Variants in ASB7 observed in about 807,000 individuals in gnomAD.
The protein encoded by ASB7 is ankyrin repeat and SOCS box containing 7, also known as ankyrin repeat and SOCS box protein 7.
A neutral mutation model predicts 32.5 loss-of-function variants in ASB7; 4 were observed. The observed-to-expected ratio is 0.12, with a 90% CI of 0.06 to 0.28. The LOEUF (loss-of-function observed/expected upper bound fraction) is 0.28. ASB7 is among the 10% of genes least tolerant of loss of function. The pLI is 1.00. For missense variants in ASB7, 181 were observed against 407.1 expected (o/e 0.44, Z 4.78); for synonymous variants, 172 against 155.6 (o/e 1.11, Z -0.78).
chr15:100,645,740 G>A (rs2039993398), intron 5 of ASB7: 1 of 1,584,490 alleles, frequency 6.3e-7, no homozygotes, highest in Non-Finnish European at 8.7e-7. Flanking sequence ...GCTTCCAGAT[G>A]CTAAACATTT....
intron 4 of ASB7, among the ~76,000 whole-genome samples, chr15:100,622,667 A>G (rs545360013): frequency 6.6e-6 from 1 of 152,350 alleles, no homozygotes; most frequent in East Asian, 1.9e-4. Context: ...CTGATTTTCG[A>G]CAAAGATAAC....
chr15:100,635,125 TG>T (rs2039913509), intron 5 of ASB7, among the ~76,000 whole-genome samples: 1 of 152,144 alleles, frequency 6.6e-6, no homozygotes, highest in East Asian at 1.9e-4. Context: ...ACAGCACTGT[TG>T]GGGGGTCACC....
At chr15:100,612,458 C>T (rs1395864332) in intron 4 of ASB7, 31 bp downstream of exon 4, 3 of 1,538,548 alleles carry the variant, frequency 1.9e-6, no homozygotes, top group Non-Finnish European at 2.7e-6. Context: ...TCTTTTTCCC[C>T]ATGGAGAAAC....
chr15:100,612,207 C>G lies in ASB7; in HGVS notation c.-10C>G. ...TAATGAATCCTTTGTAAAAAGTGGA[C>G]TCAGCTAGGATGTTACACCATCATT... On this transcript the variant is annotated 5_prime_UTR_variant, in exon 4 of 6. Coordinates refer to ENST00000332783, the MANE Select transcript of ASB7 (RefSeq NM_198243.3). The G allele has an allele frequency of 6.2e-7, 1 of 1,607,746 alleles. No individual in the cohort carries two copies. Among genetic ancestry groups the G allele is most frequent in the East Asian group, 2.2e-5 (1 of 44,852 alleles).
chr15:100,646,471 A>G, intron 5 of ASB7: 1 of 467,864 alleles, frequency 2.1e-6, no homozygotes, highest in Admixed American at 2.1e-5. Context: ...GGGCATTCAC[A>G]GAAACTGACC....
chr15:100,603,606 T>G (rs754489671), intron 2 of ASB7, among the ~76,000 whole-genome samples: 3 of 152,200 alleles, frequency 2.0e-5, no homozygotes, highest in Non-Finnish European at 4.4e-5. Flanking sequence ...CTTTGAGACC[T>G]TTTTGTAGCT....
At chr15:100,608,909 G>T (rs551288236) in intron 2 of ASB7, among the ~76,000 whole-genome samples, 1 of 152,276 alleles carries the variant, frequency 6.6e-6, no homozygotes, top group Admixed American at 6.5e-5. Flanking sequence ...TAAGTGGCCC[G>T]ACCTTTTCTT....
In ASB7 at chr15:100,629,574, G is replaced by A; in HGVS notation, c.349G>A (p.Gly117Ser). The change falls in exon 5 of 6, where the codon GGC becomes AGC. Residue 117 changes from glycine to serine, a missense_variant. Transcript: ENST00000332783. This position sits in a 1 kb window ranked among gnomAD's most constrained non-coding sequence, Gnocchi z 6.8. ...CATCATTAATGCAAAAAGCAATGAC[G>A]GCTGGACTCCCCTCCATGTGGCTGC... is the stretch of plus-strand genomic sequence containing the variant. ...SDIINAKSND[G>S]WTPLHVAAHY... is the part of the protein sequence containing the mutation. The A allele has an allele frequency of 6.2e-7, 1 of 1,614,160 alleles. No homozygotes were observed. The highest frequency in any genetic ancestry group is 8.5e-7 in the Non-Finnish European group (1 of 1,180,034).
intron 2 of ASB7, among the ~76,000 whole-genome samples, chr15:100,607,771 CATTT>C (rs1273150846): frequency 3.3e-5 from 5 of 152,186 alleles, no homozygotes; most frequent in African/African-American, 7.2e-5. Context: ...ATTCTGTAGA[CATTT>C]GTTTGTTTGA....
intron 2 of ASB7, among the ~76,000 whole-genome samples, chr15:100,605,402 G>A (rs1355853648): frequency 6.6e-6 from 1 of 152,178 alleles, no homozygotes; most frequent in Non-Finnish European, 1.5e-5. Context: ...TAATCACGTA[G>A]GGAGAATAAT....
At chr15:100,623,939 C>T (rs1022529032) in intron 4 of ASB7, among the ~76,000 whole-genome samples, 1 of 152,134 alleles carries the variant, frequency 6.6e-6, no homozygotes, top group Non-Finnish European at 1.5e-5. Flanking sequence ...TGGAATCAAC[C>T]TAAGTGTCCA....
chr15:100,625,005 A>C (rs556144239), intron 4 of ASB7, among the ~76,000 whole-genome samples: 22 of 152,262 alleles, frequency 1.4e-4, no homozygotes, highest in Non-Finnish European at 2.8e-4. Context: ...TTAGAATAAA[A>C]CATAAATACC....
intron 2 of ASB7, 54 bp from the exon 3 acceptor site, chr15:100,609,653 A>G (rs894079170): frequency 1.7e-4 from 26 of 152,330 alleles, no homozygotes; most frequent in African/African-American, 5.8e-4. Flanking sequence ...GCAGACAGCT[A>G]TGATTATTAT....
chr15:100,649,110 T>C lies in ASB7; in HGVS notation c.*648T>C, dbSNP rs1284976435. On this transcript the variant is annotated 3_prime_UTR_variant, in exon 6 of 6. Coordinates refer to ENST00000332783, the MANE Select transcript of ASB7 (RefSeq NM_198243.3). ...CTTATTTTTTTTTTAACAACTGTAG[T>C]ACACTACCCTGAGACACTGCATCTC... The C allele has an allele frequency of 6.6e-6, 1 of 152,646 alleles. No homozygotes were observed. Among genetic ancestry groups the C allele is most frequent in the Non-Finnish European group, 1.5e-5 (1 of 68,038 alleles). The allele number at this position is 152,646 out of a possible 1,614,324, so 9.5% of individuals were successfully genotyped here.
At chr15:100,633,029 A>G (rs2039895432) in intron 5 of ASB7, among the ~76,000 whole-genome samples, 1 of 152,010 alleles carries the variant, frequency 6.6e-6, no homozygotes, top group Non-Finnish European at 1.5e-5. Flanking sequence ...CCAGGACGTC[A>G]GGAGCGCAGC....
rs1416732640 is a variant in ASB7, at chr15:100,649,257, A to G, written c.*795A>G. ...TGCAGTGCAATACTCCTTCTGGTGTATTTTATCCATTATTTCACTTGCTGG... is the reference window on the plus strand; with the variant it reads ...TGCAGTGCAATACTCCTTCTGGTGTGTTTTATCCATTATTTCACTTGCTGG... On this transcript the variant is annotated 3_prime_UTR_variant, in exon 6 of 6. Coordinates refer to ENST00000332783, the MANE Select transcript of ASB7 (RefSeq NM_198243.3). 1 of 152,210 alleles carries G rather than the reference A, an allele frequency of 6.6e-6. No homozygotes were observed. Among genetic ancestry groups the G allele is most frequent in the Admixed American group, 6.5e-5 (1 of 15,268 alleles). 9.4% of individuals were successfully genotyped at this position (152,210 alleles called of 1,614,324 possible).
chr15:100,618,915 T>C (rs184005554), intron 4 of ASB7, among the ~76,000 whole-genome samples: 14 of 152,320 alleles, frequency 9.2e-5, no homozygotes, highest in Middle Eastern at 3.4e-3. Flanking sequence ...ATAAGTATTA[T>C]CAGTTTTTAC....
chr15:100,614,969 G>T (rs1053778979), intron 4 of ASB7, among the ~76,000 whole-genome samples: 4 of 152,108 alleles, frequency 2.6e-5, no homozygotes, highest in African/African-American at 9.7e-5. Context: ...ATTTACAATG[G>T]TGGTCCCATA....
At chr15:100,617,558 C>G (rs954023852) in intron 4 of ASB7, among the ~76,000 whole-genome samples, 3 of 152,226 alleles carry the variant, frequency 2.0e-5, no homozygotes, top group Admixed American at 6.5e-5. Flanking sequence ...ACCAGCCAGA[C>G]CGGGTCACCC....
Sources: allele counts gnomAD v4.1 joint callset (sites outside exome capture counted in the v4.1 genomes callset), GRCh38; gene constraint gnomAD v4.1.1; non-coding constraint Gnocchi (gnomAD v3.1); transcripts MANE v1.5; gene names NCBI Gene and HGNC (gene_info 2026-07-23, HGNC 2026-07-21).